UGGT1: variants seen among roughly 807,000 people sequenced by gnomAD.
UGGT1 encodes UDP-glucose:glycoprotein glucosyltransferase 1.
A neutral mutation model predicts 203.9 loss-of-function variants in UGGT1; 107 were observed. The observed-to-expected ratio is 0.52, with a 90% CI of 0.45 to 0.62. UGGT1 has a LOEUF of 0.62. UGGT1 is among the 20% of genes least tolerant of loss of function. UGGT1 has a pLI of 0.00. For missense variants in UGGT1, 1,673 were observed against 1,867.2 expected (o/e 0.90, Z 1.92); for synonymous variants, 628 against 653.5 (o/e 0.96, Z 0.59).
At chr2:128,153,089 AAG>A (rs1690054801) in intron 19 of UGGT1, among the ~76,000 whole-genome samples, 185 bp downstream of exon 19, 1 of 143,456 alleles carries the variant, frequency 7.0e-6, no homozygotes, top group East Asian at 2.2e-4. Flanking sequence ...CTAAATTCAC[AAG>A]AGTTTCCTCC....
At chr2:128,165,088 G>T (rs1690722536) in intron 26 of UGGT1, among the ~76,000 whole-genome samples, 1 of 152,164 alleles carries the variant, frequency 6.6e-6, no homozygotes. Flanking sequence ...GTAGAAAATA[G>T]ACTGCATTTA....
At position 128,133,215 on chromosome 2, in the gene UGGT1, C is replaced by T; in HGVS notation, c.1452C>T (p.Thr484=). Residue 484 remains threonine (T), a synonymous_variant, in exon 14 of 41, where the codon ACC becomes ACT. Transcript: ENST00000259253. The stretch of plus-strand genomic sequence containing the variant: ...GTTTACAAGAGTTGCTTCGACCCAC[C>T]TTTCCTGGTGTTATTCGGCAGATCA... ...PSSLQELLRP[T]FPGVIRQIRK... is the part of the protein sequence containing the mutation. The T allele has an allele frequency of 1.9e-6, 3 of 1,614,046 alleles. No homozygotes were observed. The highest frequency in any genetic ancestry group is 2.5e-6 in the Non-Finnish European group (3 of 1,179,944).
intron 13 of UGGT1, among the ~76,000 whole-genome samples, chr2:128,129,669 G>A (rs11685366): frequency 0.57 from 87,160 of 151,754 alleles, 25,215 homozygotes; most frequent in East Asian, 0.66. Context: ...AAAGTGCTGC[G>A]ATTATAGGCG....
intron 15 of UGGT1, 50 bp downstream of exon 15, chr2:128,135,011 T>C: frequency 6.6e-7 from 1 of 1,510,386 alleles, no homozygotes; most frequent in Non-Finnish European, 9.2e-7. Flanking sequence ...TGAGGTTTTA[T>C]TTGTCATTTT....
At chr2:128,165,755 T>G (rs987961770) in intron 26 of UGGT1, among the ~76,000 whole-genome samples, 1 of 152,048 alleles carries the variant, frequency 6.6e-6, no homozygotes, top group Non-Finnish European at 1.5e-5. Context: ...ATTCATCTTT[T>G]ATTGAAAACT....
chr2:128,107,074 C>G (rs1687641760), intron 3 of UGGT1, among the ~76,000 whole-genome samples: 1 of 152,106 alleles, frequency 6.6e-6, no homozygotes, highest in African/African-American at 2.4e-5. Flanking sequence ...AATCTTGTTT[C>G]TTCCTTGACC....
intron 16 of UGGT1, among the ~76,000 whole-genome samples, chr2:128,141,002 T>A (rs1162241070): frequency 6.6e-6 from 1 of 151,980 alleles, no homozygotes; most frequent in Non-Finnish European, 1.5e-5. Flanking sequence ...GTTTTTTATT[T>A]CAGAAGTGAA....
In UGGT1 at chr2:128,173,906, G is replaced by C; in HGVS notation, c.3420G>C (p.Pro1140=). Residue 1140 remains proline (P), a synonymous_variant, in exon 30 of 41, where the codon CCG becomes CCC. Transcript: ENST00000259253. The stretch of plus-strand genomic sequence containing the variant: ...TTACCTTAGGAACTTCAGCCAACCC[G>C]GTCATTGTGGACACCATTGTTATGG... ...LQFTLGTSAN[P]VIVDTIVMAN... 1 of 1,614,124 alleles carries C rather than the reference G, an allele frequency of 6.2e-7. No individual in the cohort carries two copies. The highest frequency in any genetic ancestry group is 8.5e-7 in the Non-Finnish European group (1 of 1,180,022).
At chr2:128,143,312 A>T in intron 17 of UGGT1, 87 bp downstream of exon 17, 1 of 1,408,354 alleles carries the variant, frequency 7.1e-7, no homozygotes, top group Middle Eastern at 1.9e-4. Context: ...AATAATGGCG[A>T]TGGTGGTTAA....
chr2:128,159,110 TTTTTA>T (rs1374209406), intron 22 of UGGT1, among the ~76,000 whole-genome samples: 2 of 124,284 alleles, frequency 1.6e-5, no homozygotes, highest in Non-Finnish European at 3.5e-5. Context: ...TTTTTTTTTT[TTTTTA>T]ATGAGACGGA....
intron 1 of UGGT1, among the ~76,000 whole-genome samples, chr2:128,093,813 A>G (rs1686980305): frequency 6.6e-6 from 1 of 152,184 alleles, no homozygotes; most frequent in Admixed American, 6.6e-5. Context: ...ACTTATTTTT[A>G]AAGTGGAGAT....
chr2:128,176,972 C>T, intron 32 of UGGT1, 74 bp downstream of exon 32: 1 of 1,415,386 alleles, frequency 7.1e-7, no homozygotes. Flanking sequence ...TGGAACCAGC[C>T]CAAGAGTCTC....
chr2:128,116,151 G>A (rs924049687), intron 7 of UGGT1, 114 bp from the exon 8 acceptor site: 12 of 630,772 alleles, frequency 1.9e-5, no homozygotes, highest in Non-Finnish European at 2.7e-5. Flanking sequence ...TATAATTTCA[G>A]GGGTTTCTGA....
intron 22 of UGGT1, among the ~76,000 whole-genome samples, 179 bp from the exon 23 acceptor site, chr2:128,159,335 G>A (rs1216043742): frequency 3.9e-5 from 6 of 151,956 alleles, no homozygotes; most frequent in Admixed American, 2.6e-4. Context: ...TCCTGATCTC[G>A]TGGTCCGCCC....
At position 128,187,362 on chromosome 2, in the gene UGGT1, T is replaced by C. The variant is rs559340167; in HGVS notation, c.4477-87T>C. On this transcript the variant is annotated intron_variant, in intron 39 of 40. Coordinates refer to ENST00000259253, the MANE Select transcript of UGGT1 (RefSeq NM_020120.4). ...TCCTTACTATTGTTTTCTTGTCCAG[T>C]TAGGACTTGTAACCCAAGAACCTTT... The C allele has an allele frequency of 2.1e-6, 3 of 1,446,640 alleles. No individual in the cohort carries two copies. In the South Asian group the frequency reaches 4.1e-5, roughly 20 times the overall value. The allele number at this position is 1,446,640 out of a possible 1,614,324, so 89.6% of individuals were successfully genotyped here.
intron 1 of UGGT1, 37 bp downstream of exon 1, chr2:128,091,452 A>C (rs1395872136): frequency 1.3e-6 from 2 of 1,561,684 alleles, no homozygotes; most frequent in South Asian, 2.4e-5. Flanking sequence ...TCGTGGACAA[A>C]GAGAGGGTTT....
At chr2:128,155,624 T>C (rs1017398750) in intron 20 of UGGT1, 37 bp downstream of exon 20, 3 of 1,522,970 alleles carry the variant, frequency 2.0e-6, no homozygotes, top group Non-Finnish European at 2.7e-6. Flanking sequence ...GCATTCAACA[T>C]TTTTTTGAAA....
intron 13 of UGGT1, among the ~76,000 whole-genome samples, chr2:128,130,262 A>C (rs913751680): frequency 4.7e-5 from 7 of 147,502 alleles, no homozygotes; most frequent in African/African-American, 7.4e-5. Context: ...CTCCGTCACA[A>C]AAAAAAAAAA....
At chr2:128,106,389 AATATT>A (rs1235498483) in intron 3 of UGGT1, among the ~76,000 whole-genome samples, 2 of 152,118 alleles carry the variant, frequency 1.3e-5, no homozygotes, top group Non-Finnish European at 2.9e-5. Flanking sequence ...ATTTGTTTGA[AATATT>A]ATTTATATTC....
Sources: gnomAD v4.1 joint callset for allele counts (sites outside exome capture counted in the v4.1 genomes callset) on GRCh38, gnomAD v4.1.1 for gene constraint, MANE v1.5 for transcripts, NCBI Gene and HGNC (gene_info 2026-07-23, HGNC 2026-07-21) for gene names.